ST6GALNAC3: variants seen among roughly 807,000 people sequenced by gnomAD.
The protein encoded by ST6GALNAC3 is ST6 N-acetylgalactosaminide alpha-2,6-sialyltransferase 3.
Under a neutral mutation model 32.7 loss-of-function variants are expected in ST6GALNAC3, and 25 were observed. The observed-to-expected ratio is 0.76, with a 90% confidence interval of 0.56 to 1.07. The LOEUF (loss-of-function observed/expected upper bound fraction) is 1.07. ST6GALNAC3 is among the 50% of genes least tolerant of loss of function. The pLI is 0.00. For missense variants in ST6GALNAC3, 355 were observed against 382.4 expected, an observed-to-expected ratio of 0.93 and a Z score of 0.60; for synonymous variants, 129 against 133.1, an observed-to-expected ratio of 0.97 and a Z score of 0.21.
intron 3 of ST6GALNAC3, among the ~76,000 whole-genome samples, chr1:76,559,874 C>T (rs1414680931): frequency 6.6e-6 from 1 of 152,104 alleles, no homozygotes; most frequent in Non-Finnish European, 1.5e-5. Context: ...ATCACAGCAA[C>T]TGTGACACAT....
At chr1:76,144,165 C>T (rs1262110048) in intron 1 of ST6GALNAC3, among the ~76,000 whole-genome samples, 1 of 152,084 alleles carries the variant, frequency 6.6e-6, no homozygotes, top group African/African-American at 2.4e-5. Flanking sequence ...TCAGGAGTAG[C>T]AGGAGGCTTC....
chr1:76,203,711 A>G (rs1654664002), intron 1 of ST6GALNAC3, among the ~76,000 whole-genome samples: 2 of 152,202 alleles, frequency 1.3e-5, no homozygotes, highest in East Asian at 1.9e-4. Flanking sequence ...ATACATTTTT[A>G]TTATATATTT....
At chr1:76,527,627 T>A (rs1662995159) in intron 3 of ST6GALNAC3, among the ~76,000 whole-genome samples, 1 of 152,060 alleles carries the variant, frequency 6.6e-6, no homozygotes, top group African/African-American at 2.4e-5. Context: ...CACTGTCAAG[T>A]CTCTTTATCA....
intron 2 of ST6GALNAC3, among the ~76,000 whole-genome samples, chr1:76,327,819 A>G (rs1053495572): frequency 1.3e-5 from 2 of 151,984 alleles, no homozygotes; most frequent in Admixed American, 1.3e-4. Context: ...CAAACTCCTG[A>G]CCTCAAGTGA....
intron 3 of ST6GALNAC3, among the ~76,000 whole-genome samples, chr1:76,612,606 G>A (rs1305344794): frequency 1.3e-5 from 2 of 152,106 alleles, no homozygotes; most frequent in Non-Finnish European, 2.9e-5. Context: ...GAAGGAAACA[G>A]TACTTAAAAC....
intron 4 of ST6GALNAC3, among the ~76,000 whole-genome samples, 174 bp from the exon 5 acceptor site, chr1:76,628,446 A>T (rs960799990): frequency 2.0e-5 from 3 of 152,030 alleles, no homozygotes; most frequent in African/African-American, 7.2e-5. Context: ...AAAACTTGGT[A>T]CATCTTCCTA....
chr1:76,141,855 C>T (rs1005701407), intron 1 of ST6GALNAC3, among the ~76,000 whole-genome samples: 1 of 152,266 alleles, frequency 6.6e-6, no homozygotes, highest in African/African-American at 2.4e-5. Flanking sequence ...TCTACACTGC[C>T]CTAGAGTTGA....
At chr1:76,201,218 C>G (rs1654496464) in intron 1 of ST6GALNAC3, among the ~76,000 whole-genome samples, 1 of 152,146 alleles carries the variant, frequency 6.6e-6, no homozygotes, top group South Asian at 2.1e-4. Context: ...AAAGAGGTTT[C>G]ATTGACTCAC....
At chr1:76,492,817 C>T (rs1660583243) in intron 3 of ST6GALNAC3, among the ~76,000 whole-genome samples, 2 of 152,080 alleles carry the variant, frequency 1.3e-5, no homozygotes, top group Non-Finnish European at 2.9e-5. Flanking sequence ...TTTGGGGTCC[C>T]ACAGATCTAT....
At chr1:76,107,474 T>G (rs1647617823) in intron 1 of ST6GALNAC3, among the ~76,000 whole-genome samples, 1 of 152,174 alleles carries the variant, frequency 6.6e-6, no homozygotes, top group East Asian at 1.9e-4. Context: ...AAAGTTGTGT[T>G]CTATTCTTAA....
chr1:76,542,504 T>A (rs1269692825), intron 3 of ST6GALNAC3, among the ~76,000 whole-genome samples: 1 of 152,192 alleles, frequency 6.6e-6, no homozygotes, highest in Non-Finnish European at 1.5e-5. Flanking sequence ...AGGCTGGGAC[T>A]GCTTTCTCAT....
chr1:76,621,177 C>A (rs1250256898), intron 3 of ST6GALNAC3, among the ~76,000 whole-genome samples: 1 of 151,400 alleles, frequency 6.6e-6, no homozygotes. Flanking sequence ...TGATGATTCT[C>A]CGGCAGAAAA....
intron 1 of ST6GALNAC3, among the ~76,000 whole-genome samples, chr1:76,293,253 G>T (rs1408031397): frequency 2.0e-5 from 3 of 151,908 alleles, no homozygotes; most frequent in Non-Finnish European, 4.4e-5. Context: ...TGCTGATTTT[G>T]CCAATAATGC....
intron 2 of ST6GALNAC3, among the ~76,000 whole-genome samples, chr1:76,402,917 C>A (rs938340880): frequency 6.6e-6 from 1 of 152,030 alleles, no homozygotes; most frequent in Non-Finnish European, 1.5e-5. Context: ...ATTATTGAGT[C>A]TTATCTTCCA....
intron 1 of ST6GALNAC3, among the ~76,000 whole-genome samples, chr1:76,189,890 C>A (rs1233482317): frequency 1.3e-5 from 2 of 152,098 alleles, no homozygotes; most frequent in Admixed American, 1.3e-4. Context: ...TAAGTGGGGA[C>A]CGAAATTCTA....
At chr1:76,486,057 G>A (rs1039938116) in intron 3 of ST6GALNAC3, among the ~76,000 whole-genome samples, 2 of 152,194 alleles carry the variant, frequency 1.3e-5, no homozygotes, top group African/African-American at 4.8e-5. Flanking sequence ...TTAATCCTGA[G>A]TTCTGGTTTG....
chr1:76,338,948 C>A (rs954162713), intron 2 of ST6GALNAC3, among the ~76,000 whole-genome samples: 1 of 152,178 alleles, frequency 6.6e-6, no homozygotes, highest in Non-Finnish European at 1.5e-5. Flanking sequence ...TCTGGAATAG[C>A]TCTCCAACCA....
At chr1:76,250,722 T>C (rs972330267) in intron 1 of ST6GALNAC3, among the ~76,000 whole-genome samples, 5 of 152,196 alleles carry the variant, frequency 3.3e-5, no homozygotes, top group African/African-American at 1.2e-4. Flanking sequence ...TCAACATGGC[T>C]ATGAAGCATA....
chr1:76,383,831 T>C (rs1651900085), intron 2 of ST6GALNAC3, among the ~76,000 whole-genome samples: 1 of 152,214 alleles, frequency 6.6e-6, no homozygotes, highest in Non-Finnish European at 1.5e-5. Flanking sequence ...AAGGCATACA[T>C]TATATTATAT....
Sources: allele counts gnomAD v4.1 joint callset (sites outside exome capture counted in the v4.1 genomes callset), GRCh38; gene constraint gnomAD v4.1.1; transcripts MANE v1.5; gene names NCBI Gene and HGNC (gene_info 2026-07-23, HGNC 2026-07-21).